The following TPX2 variants were observed in gnomAD, a reference collection of about 807,000 sequenced individuals.
TPX2 encodes targeting protein for Xklp2.
A neutral mutation model predicts 93.6 loss-of-function variants in TPX2; 21 were observed. That is an observed-to-expected ratio of 0.22 (90% CI 0.16 to 0.32). The LOEUF (loss-of-function observed/expected upper bound fraction) is 0.32, where lower values mean the gene tolerates loss of function less well. Among genes scored for constraint, TPX2 ranks in the 10% least tolerant of loss-of-function variants. The probability of loss-of-function intolerance (pLI) is 1.00; values close to 1 mark genes in which losing one functional copy is unlikely to be tolerated. For synonymous variants in TPX2, 281 were observed against 298.3 expected (o/e 0.94, Z 0.60); for missense variants, 776 against 871.1 (o/e 0.89, Z 1.37).
rs1216964779 is a variant in TPX2 at position 31,760,082 on chromosome 20, G to A, written c.132G>A (p.Lys44=). 1 of 1,613,808 alleles carries A rather than the reference G, an allele frequency of 6.2e-7. No homozygotes were observed. The highest frequency in any genetic ancestry group is 8.5e-7 in the Non-Finnish European group (1 of 1,179,908). The part of the protein sequence containing the change: ...WFEEKANLEN[K]LLGKNGTGGL... ...AGGAGAAGGCCAATTTGGAGAATAA[G>A]TTACTGGGGAAGAATGGAACTGGAG... Residue 44 remains lysine (K), a synonymous_variant, in exon 4 of 18, where the codon AAG becomes AAA. Coordinates refer to ENST00000300403, the MANE Select transcript of TPX2 (RefSeq NM_012112.5).
At chr20:31,794,618 A>G (rs1281801153) in intron 15 of TPX2, 70 bp downstream of exon 15, 8 of 1,562,054 alleles carry the variant, frequency 5.1e-6, no homozygotes, top group Non-Finnish European at 6.1e-6. Context: ...GACCCACCAT[A>G]CTGAAATCAC....
intron 2 of TPX2, among the ~76,000 whole-genome samples, chr20:31,743,091 G>T (rs1030404899): frequency 2.0e-5 from 3 of 152,136 alleles, no homozygotes; most frequent in African/African-American, 7.2e-5. Context: ...GTGCGCATCT[G>T]TAATCTCAGC....
chr20:31,768,221 A>T (rs1006872377), intron 5 of TPX2, among the ~76,000 whole-genome samples: 1 of 147,060 alleles, frequency 6.8e-6, no homozygotes, highest in Admixed American at 6.9e-5. Flanking sequence ...GGCGTGAGCC[A>T]CCATGCCCGA....
chr20:31,771,572 A>G lies in TPX2; in HGVS notation c.498A>G (p.Lys166=). The change falls in exon 7 of 18, where the codon AAA becomes AAG. Residue 166 remains lysine (K), a synonymous_variant. Coordinates refer to ENST00000300403, the MANE Select transcript of TPX2 (RefSeq NM_012112.5). The part of the protein sequence containing the change: ...PSKKMKVSNN[K]KKPEEEGSAH... ...TTTTGAACTCAAGTTCTAACAACAA[A>G]AAGAAGCCAGAGGAAGAAGGCAGTG... 6.2e-7 allele frequency: 1 copy of G among 1,610,742 alleles called. No homozygotes were observed. Among genetic ancestry groups the G allele is most frequent in the Non-Finnish European group, 8.5e-7 (1 of 1,179,254 alleles).
chr20:31,775,092 T>C lies in TPX2; in HGVS notation c.609-775T>C, dbSNP rs6060936. Among the ~76,000 whole-genome samples, 30 of 152,000 alleles carry C rather than the reference T, an allele frequency of 2.0e-4. 1 individual carries two copies. The highest frequency in any genetic ancestry group is 7.0e-4 in the African/African-American group (29 of 41,462). On this transcript the variant is annotated intron_variant, in intron 7 of 17. Coordinates refer to ENST00000300403, the MANE Select transcript of TPX2 (RefSeq NM_012112.5). ...CTCCTGCCTCAGCCTCCCGAGTAGC[T>C]AGGATTACAGGTGCCTGCCACTACA...
At chr20:31,760,249 TG>T in intron 4 of TPX2, 70 bp downstream of exon 4, 1 of 1,580,748 alleles carries the variant, frequency 6.3e-7, no homozygotes, top group Non-Finnish European at 8.6e-7. Flanking sequence ...CCTGAGGTTC[TG>T]GGAAAATTAC....
intron 4 of TPX2, among the ~76,000 whole-genome samples, chr20:31,762,384 C>T (rs565024193): frequency 3.9e-4 from 59 of 152,216 alleles, no homozygotes; most frequent in African/African-American, 1.2e-3. Flanking sequence ...GAGTCTCACT[C>T]TGTTGCCCAG....
At chr20:31,777,386 A>C (rs2062007145) in intron 8 of TPX2, 101 bp from the exon 9 acceptor site, 7 of 1,420,130 alleles carry the variant, frequency 4.9e-6, no homozygotes, top group Non-Finnish European at 6.7e-6. Context: ...GCAAAGTTAG[A>C]TCCATGGTGA....
Position 31,797,414 on chromosome 20 carries a change from A to G in TPX2, c.1844A>G (p.Glu615Gly), listed in dbSNP as rs1174336487. 6.2e-7 allele frequency: 1 copy of G among 1,613,980 alleles called. No individual in the cohort carries two copies. The highest frequency in any genetic ancestry group is 1.3e-5 in the African/African-American group (1 of 74,926). ...AQTWKHQLEE[E>G]LRQQKEAACF... ...CTTTCTCTCTAATAGCTGGAAGAAGAACTGAGACAGCAGAAAGAAGCAGCT... is the reference window on the plus strand; with the variant it reads ...CTTTCTCTCTAATAGCTGGAAGAAGGACTGAGACAGCAGAAAGAAGCAGCT... Residue 615 changes from glutamate (E) to glycine (G), a missense_variant, in exon 16 of 18, where the codon GAA becomes GGA. Physicochemically the swap from Glu to Gly is moderately conservative, Grantham distance 98. This residue lies in a region of TPX2 where 461 missense variants were observed against 551.2 expected (regional missense o/e 0.84). Transcript: ENST00000300403.
chr20:31,783,966 A>C (rs749281579), intron 12 of TPX2, 45 bp downstream of exon 12: 1 of 1,595,340 alleles, frequency 6.3e-7, no homozygotes, highest in Non-Finnish European at 8.6e-7. Context: ...ACTGCTCATG[A>C]CCAGATATCC....
chr20:31,798,240 T>G, intron 16 of TPX2, 125 bp from the exon 17 acceptor site: 1 of 1,207,336 alleles, frequency 8.3e-7, no homozygotes, highest in South Asian at 1.4e-5. Context: ...TTTCTCCCAA[T>G]GGGGCTTGTT....
chr20:31,768,396 C>T (rs867469226), intron 5 of TPX2, among the ~76,000 whole-genome samples: 170 of 146,846 alleles, frequency 1.2e-3, no homozygotes, highest in Non-Finnish European at 2.2e-3. Flanking sequence ...CCACTACGCG[C>T]GGCTAATTTT....
Position 31,801,041 on chromosome 20 carries a change from G to A in TPX2, c.2205G>A (p.Val735=), listed in dbSNP as rs1483938358. The A allele has an allele frequency of 6.2e-7, 1 of 1,614,200 alleles. No homozygotes were observed. Among genetic ancestry groups the A allele is most frequent in the Non-Finnish European group, 8.5e-7 (1 of 1,180,028 alleles). ...AGTCAAGTGACCAGCCTCTGACTGT[G>A]CCTGTATCTCCCAAATTCTCCACTC... ...EIKSSDQPLT[V]PVSPKFSTRF... Residue 735 remains valine (V), a synonymous_variant, in exon 18 of 18, where the codon GTG becomes GTA. Transcript: ENST00000300403.
intron 12 of TPX2, among the ~76,000 whole-genome samples, chr20:31,789,093 T>A (rs1359560086): frequency 6.6e-6 from 1 of 152,166 alleles, no homozygotes; most frequent in Non-Finnish European, 1.5e-5. Context: ...ATCACCTCTT[T>A]AGAGATACCT....
intron 12 of TPX2, among the ~76,000 whole-genome samples, chr20:31,789,520 C>T (rs2062087402): frequency 6.6e-6 from 1 of 151,742 alleles, no homozygotes; most frequent in Non-Finnish European, 1.5e-5. Context: ...ACGGGGTCTT[C>T]TAGTAGGTGA....
chr20:31,743,651 C>T (rs1170387433), intron 2 of TPX2, among the ~76,000 whole-genome samples: 2 of 151,812 alleles, frequency 1.3e-5, no homozygotes, highest in Admixed American at 6.6e-5. Flanking sequence ...GCTGAGGGCA[C>T]CACTGCACTC....
At chr20:31,778,440 C>T (rs908942101) in intron 9 of TPX2, among the ~76,000 whole-genome samples, 3 of 152,038 alleles carry the variant, frequency 2.0e-5, no homozygotes, top group Non-Finnish European at 2.9e-5. Flanking sequence ...TGATGCATAC[C>T]CAGAGGCCCA....
At chr20:31,799,340 A>T (rs1270995424) in intron 17 of TPX2, among the ~76,000 whole-genome samples, 1 of 152,248 alleles carries the variant, frequency 6.6e-6, no homozygotes, top group Non-Finnish European at 1.5e-5. Flanking sequence ...AGTTACAGTT[A>T]GATGGGAGGA....
At chr20:31,784,861 C>G (rs1325872201) in intron 12 of TPX2, among the ~76,000 whole-genome samples, 2 of 152,164 alleles carry the variant, frequency 1.3e-5, no homozygotes, top group African/African-American at 4.8e-5. Context: ...AGTTACATTT[C>G]AGTGCAGATG....
Sources: gnomAD v4.1 joint callset for allele counts (sites outside exome capture counted in the v4.1 genomes callset) on GRCh38, gnomAD v4.1.1 for gene constraint, gnomAD v4.1.1 regional missense constraint, MANE v1.5 for transcripts, NCBI Gene and HGNC (gene_info 2026-07-23, HGNC 2026-07-21) for gene names.